The following LARGE1 variants were observed in gnomAD, a reference collection of about 807,000 sequenced individuals.
LARGE1 encodes xylosyl- and glucuronyltransferase LARGE1.
A neutral mutation model predicts 87.6 loss-of-function variants in LARGE1; 43 were observed. That is an observed-to-expected ratio of 0.49 (90% CI 0.38 to 0.63). LARGE1 has a LOEUF of 0.63. LARGE1 is among the 30% of genes least tolerant of loss of function. The pLI is 0.00. For synonymous variants in LARGE1, 434 were observed against 394.6 expected (o/e 1.10, Z -1.18); for missense variants, 802 against 1,000.2 (o/e 0.80, Z 2.67).
At chr22:33,805,444 T>A (rs2086277174) in intron 1 of LARGE1, among the ~76,000 whole-genome samples, 2 of 152,042 alleles carry the variant, frequency 1.3e-5, no homozygotes, top group Admixed American at 6.6e-5. Flanking sequence ...GAGTAAAGAC[T>A]CAACCCTGGT....
intron 9 of LARGE1, among the ~76,000 whole-genome samples, chr22:33,377,540 T>C (rs2065027697): frequency 6.6e-6 from 1 of 152,246 alleles, no homozygotes; most frequent in East Asian, 1.9e-4. Flanking sequence ...TCTTCATTAT[T>C]AAGGCTGACA....
intron 6 of LARGE1, among the ~76,000 whole-genome samples, chr22:33,504,045 A>C (rs2070641431): frequency 6.6e-6 from 1 of 152,184 alleles, no homozygotes; most frequent in Non-Finnish European, 1.5e-5. Context: ...GTATATTATT[A>C]CTTTTACAGG....
chr22:33,070,148 T>C, the LARGE1 span, among the ~76,000 whole-genome samples: 8 of 152,222 alleles, frequency 5.3e-5, 1 homozygote, highest in South Asian at 1.7e-3. Flanking sequence ...ATAATGTCTG[T>C]TTATTTCTCA....
chr22:33,349,441 CAT>C (rs1444649859), intron 9 of LARGE1, among the ~76,000 whole-genome samples: 1 of 152,190 alleles, frequency 6.6e-6, no homozygotes, highest in Non-Finnish European at 1.5e-5. Context: ...TCCATTCCCA[CAT>C]GATTCTCTCT....
At chr22:33,775,620 A>G (rs57447662) in intron 1 of LARGE1, among the ~76,000 whole-genome samples, 4,896 of 152,064 alleles carry the variant, frequency 0.032, 243 homozygotes, top group African/African-American at 0.11. Flanking sequence ...GGGAGGCTGA[A>G]GTGGGTGGAT....
chr22:33,161,555 C>T (rs560923832), downstream of LARGE1, among the ~76,000 whole-genome samples: 1 of 152,188 alleles, frequency 6.6e-6, no homozygotes, highest in Non-Finnish European at 1.5e-5. Context: ...AATACATCTG[C>T]TCCAAATAGG....
chr22:33,102,973 C>A, the LARGE1 span, among the ~76,000 whole-genome samples: 1 of 152,110 alleles, frequency 6.6e-6, no homozygotes, highest in Non-Finnish European at 1.5e-5. Context: ...TAGAAAGGAT[C>A]TTGGAGGTTG....
intron 5 of LARGE1, among the ~76,000 whole-genome samples, chr22:33,586,008 T>C (rs2078662435): frequency 1.3e-5 from 2 of 152,138 alleles, no homozygotes; most frequent in Non-Finnish European, 2.9e-5. Flanking sequence ...CCACTCTCTC[T>C]TTTTCATCTG....
rs1281356970 is a variant in LARGE1 at position 33,482,892 on chromosome 22, G to A, written c.788-50627C>T. On this transcript the variant is annotated intron_variant, in intron 6 of 14. Coordinates refer to ENST00000397394, the MANE Select transcript of LARGE1 (RefSeq NM_133642.5). Reference sequence around the variant, plus strand: ...GGAAATGTCAAGAGTTTGAGCACTTGAGGCAGCTCCAGGAAGGTGGGGGTA... The same window carrying A: ...GGAAATGTCAAGAGTTTGAGCACTTAAGGCAGCTCCAGGAAGGTGGGGGTA... Among the ~76,000 whole-genome samples, 6 of 152,146 alleles carry A rather than the reference G, an allele frequency of 3.9e-5. No homozygotes were observed. The East Asian group carries it at 1.2e-3, about 29-fold the overall frequency.
the LARGE1 span, among the ~76,000 whole-genome samples, chr22:33,071,611 G>A: frequency 6.6e-6 from 1 of 152,134 alleles, no homozygotes; most frequent in South Asian, 2.1e-4. Context: ...AAGACACATG[G>A]AGCCCCTGTT....
At chr22:33,451,351 CTTATTTTATT>C (rs10629325) in intron 6 of LARGE1, among the ~76,000 whole-genome samples, 7 of 150,038 alleles carry the variant, frequency 4.7e-5, no homozygotes, top group Non-Finnish European at 1.0e-4. Flanking sequence ...CAAAAAAATT[CTTATTTTATT>C]TTATTTTATT....
At chr22:33,347,928 A>C (rs183328158) in intron 9 of LARGE1, among the ~76,000 whole-genome samples, 2 of 152,318 alleles carry the variant, frequency 1.3e-5, no homozygotes, top group East Asian at 3.9e-4. Flanking sequence ...GACTTCATGA[A>C]AGAGTCACCT....
chr22:33,486,359 C>T (rs1250525748), intron 6 of LARGE1, among the ~76,000 whole-genome samples: 1 of 152,230 alleles, frequency 6.6e-6, no homozygotes, highest in Non-Finnish European at 1.5e-5. Flanking sequence ...ATCCCTCCTT[C>T]CACTGGTGCA....
chr22:33,748,024 C>CAAAAAAAAAAA lies in LARGE1; in HGVS notation c.106+13336_106+13346dup, dbSNP rs535230421. ...GGGCACTGTGTGCCCTCTGCTGGAG[C>CAAAAAAAAAAA]AAAAAAAAAAAAAAAAAAAAAAAAA... On this transcript the variant is annotated intron_variant, in intron 2 of 14. Transcript: ENST00000397394. 1.0e-3 allele frequency among the ~76,000 whole-genome samples: 22 copies of CAAAAAAAAAAA among 21,736 alleles called. 5 individuals carry two copies. The highest frequency in any genetic ancestry group is 4.1e-3 in the East Asian group (2 of 492). The allele number at this position is 21,736 out of a possible 152,430, so 14.3% of individuals were successfully genotyped here.
chr22:33,441,578 T>C (rs1296333149), intron 6 of LARGE1, among the ~76,000 whole-genome samples: 1 of 152,098 alleles, frequency 6.6e-6, no homozygotes, highest in Non-Finnish European at 1.5e-5. Flanking sequence ...CCCAGCCTCC[T>C]GAGCAGCTAC....
At position 33,820,539 on chromosome 22, in the gene LARGE1, G is replaced by C. The variant is rs138074794; in HGVS notation, c.-82-58981C>G. On this transcript the variant is annotated intron_variant, in intron 1 of 14. Coordinates refer to ENST00000397394, the MANE Select transcript of LARGE1 (RefSeq NM_133642.5). ...TGGGGGTCTCGTGGTGCTGCCCAAAGTGGTCTAGAACTTCTGGCCTCAAGC... is the reference window on the plus strand; with the variant it reads ...TGGGGGTCTCGTGGTGCTGCCCAAACTGGTCTAGAACTTCTGGCCTCAAGC... 3.5e-3 allele frequency among the ~76,000 whole-genome samples: 539 copies of C among 152,090 alleles called. 4 individuals carry two copies. The highest frequency in any genetic ancestry group is 5.9e-3 in the Non-Finnish European group (403 of 67,990).
chr22:33,188,940 G>A (rs991468989), intron 11 of LARGE1, among the ~76,000 whole-genome samples: 24 of 152,168 alleles, frequency 1.6e-4, no homozygotes, highest in African/African-American at 5.8e-4. Context: ...GCTATGTCAA[G>A]GTGGTCGCCA....
chr22:33,741,437 T>C (rs2083877284), intron 2 of LARGE1, among the ~76,000 whole-genome samples: 1 of 152,220 alleles, frequency 6.6e-6, no homozygotes, highest in Non-Finnish European at 1.5e-5. Context: ...TATAAATATC[T>C]ATAGAAAGAC....
chr22:33,656,399 C>A (rs549629810), intron 2 of LARGE1, among the ~76,000 whole-genome samples: 40 of 152,306 alleles, frequency 2.6e-4, no homozygotes, highest in African/African-American at 8.7e-4. Flanking sequence ...GAACCGCCCC[C>A]ATGATTCAAT....
Sources: allele counts gnomAD v4.1 joint callset (sites outside exome capture counted in the v4.1 genomes callset), GRCh38; gene constraint gnomAD v4.1.1; transcripts MANE v1.5; gene names NCBI Gene and HGNC (gene_info 2026-07-23, HGNC 2026-07-21).